Variants in ATXN1 observed in about 807,000 individuals in gnomAD.
ATXN1 encodes the protein ataxin 1.
A neutral mutation model predicts 56.4 loss-of-function variants in ATXN1; 8 were observed. The observed-to-expected ratio is 0.14, with a 90% CI of 0.08 to 0.26. The LOEUF (loss-of-function observed/expected upper bound fraction) is 0.26. ATXN1 is among the 10% of genes least tolerant of loss of function. The pLI is 1.00. For synonymous variants in ATXN1, 514 were observed against 494.6 expected (o/e 1.04, Z -0.52); for missense variants, 987 against 1,106.5 (o/e 0.89, Z 1.53).
intron 4 of ATXN1, among the ~76,000 whole-genome samples, chr6:16,556,985 T>C (rs1762026053): frequency 6.6e-6 from 1 of 151,910 alleles, no homozygotes; most frequent in African/African-American, 2.4e-5. Context: ...ACAACAAAAA[T>C]ATAAAATGCC....
chr6:16,741,918 G>GA (rs902932534), intron 2 of ATXN1, among the ~76,000 whole-genome samples: 8 of 152,010 alleles, frequency 5.3e-5, no homozygotes, highest in South Asian at 2.1e-4. Context: ...TGTTGAGATG[G>GA]AAAAAAAATA....
At chr6:16,409,851 A>G (rs1368796681) in intron 6 of ATXN1, among the ~76,000 whole-genome samples, 1 of 152,156 alleles carries the variant, frequency 6.6e-6, no homozygotes, top group Non-Finnish European at 1.5e-5. Flanking sequence ...GAAGTTCCAC[A>G]AAACTGTGCT....
chr6:16,597,267 A>G (rs1762832308), intron 3 of ATXN1, among the ~76,000 whole-genome samples: 1 of 152,246 alleles, frequency 6.6e-6, no homozygotes, highest in Non-Finnish European at 1.5e-5. Flanking sequence ...GGTATAAGAC[A>G]TAGGTACATG....
chr6:16,745,496 C>G (rs916181323), intron 2 of ATXN1, among the ~76,000 whole-genome samples: 7 of 152,098 alleles, frequency 4.6e-5, no homozygotes, highest in African/African-American at 1.4e-4. Context: ...GTTACATCAT[C>G]AAGAACTAAA....
intron 5 of ATXN1, among the ~76,000 whole-genome samples, chr6:16,493,153 C>T (rs1303424956): frequency 6.6e-6 from 1 of 152,194 alleles, no homozygotes; most frequent in African/African-American, 2.4e-5. Flanking sequence ...AACACAACTT[C>T]CCCGTGCCAT....
chr6:16,319,400 A>T (rs1208938582), intron 7 of ATXN1, among the ~76,000 whole-genome samples: 1 of 152,170 alleles, frequency 6.6e-6, no homozygotes, highest in East Asian at 1.9e-4. Flanking sequence ...AGGCAAAACT[A>T]TGGAGAGAGT....
intron 3 of ATXN1, among the ~76,000 whole-genome samples, chr6:16,603,623 T>C (rs1299250034): frequency 1.3e-5 from 2 of 151,852 alleles, no homozygotes; most frequent in Non-Finnish European, 2.9e-5. Flanking sequence ...GAGGTCTGAG[T>C]TGAATTTCAA....
rs56105499 is a variant in ATXN1 at position 16,440,649 on chromosome 6, A to AAAAAAAAAAAAGAAAG, written c.-161+45322_-161+45323insCTTTCTTTTTTTTTTT. Reference sequence around the variant, plus strand: ...GAGTGAGACCCTGTCTTAAAAAAAAAAAAGAAAAGAAAAGAAAAAATTAAA... The same window carrying AAAAAAAAAAAAGAAAG: ...GAGTGAGACCCTGTCTTAAAAAAAAAAAAAAAAAAAAGAAAGAAAGAAAAGAAAAGAAAAAATTAAA... On this transcript the variant is annotated intron_variant, in intron 6 of 7. Transcript: ENST00000436367. 3.8e-4 allele frequency among the ~76,000 whole-genome samples: 43 copies of AAAAAAAAAAAAGAAAG among 113,692 alleles called. 1 individual carries two copies. Among genetic ancestry groups the AAAAAAAAAAAAGAAAG allele is most frequent in the African/African-American group, 1.3e-3 (36 of 27,248 alleles). The allele number at this position is 113,692 out of a possible 152,430, so 74.6% of individuals were successfully genotyped here. A position where few individuals can be genotyped will look rare whatever the true frequency, so the allele number is the denominator to read the frequency against.
intron 6 of ATXN1, among the ~76,000 whole-genome samples, chr6:16,372,841 G>C (rs145163874): frequency 1.3e-5 from 2 of 152,112 alleles, no homozygotes; most frequent in Non-Finnish European, 2.9e-5. Flanking sequence ...ACTTGAGCCT[G>C]GGAGACAGAG....
chr6:16,642,086 A>G (rs972844479), intron 3 of ATXN1, among the ~76,000 whole-genome samples: 14 of 152,132 alleles, frequency 9.2e-5, no homozygotes, highest in African/African-American at 3.1e-4. Context: ...TCTATGGAGG[A>G]GCAAAGAAAG....
chr6:16,494,048 C>T (rs933687659), intron 5 of ATXN1, among the ~76,000 whole-genome samples: 4 of 151,922 alleles, frequency 2.6e-5, no homozygotes, highest in African/African-American at 7.3e-5. Flanking sequence ...AAGTGGCAGG[C>T]AAACTGGGCC....
chr6:16,702,775 A>G (rs1236178916), intron 2 of ATXN1, among the ~76,000 whole-genome samples: 2 of 152,220 alleles, frequency 1.3e-5, no homozygotes, highest in Non-Finnish European at 2.9e-5. Context: ...TCAAAACCAC[A>G]ATGACATACC....
At chr6:16,698,649 TTA>T (rs1491535535) in intron 2 of ATXN1, among the ~76,000 whole-genome samples, 25 of 45,574 alleles carry the variant, frequency 5.5e-4, no homozygotes, top group African/African-American at 3.2e-3. Flanking sequence ...ACCTCAAAAA[TTA>T]AAAAAAAAAA....
chr6:16,656,431 A>G (rs925465968), intron 3 of ATXN1, among the ~76,000 whole-genome samples: 1 of 152,220 alleles, frequency 6.6e-6, no homozygotes, highest in Non-Finnish European at 1.5e-5. Flanking sequence ...TGACCAAGAT[A>G]GGTGGGGCAG....
At chr6:16,462,051 A>G (rs1042456020) in intron 6 of ATXN1, among the ~76,000 whole-genome samples, 1 of 152,210 alleles carries the variant, frequency 6.6e-6, no homozygotes, top group African/African-American at 2.4e-5. Flanking sequence ...TTGGCAAAAT[A>G]CCAACAAAAC....
intron 3 of ATXN1, among the ~76,000 whole-genome samples, chr6:16,596,682 C>T (rs1011340302): frequency 1.3e-5 from 2 of 152,184 alleles, no homozygotes; most frequent in African/African-American, 4.8e-5. Flanking sequence ...TCAAATTCCT[C>T]TGGGAAATGA....
At chr6:16,683,318 G>T (rs1391639950) in intron 2 of ATXN1, among the ~76,000 whole-genome samples, 1 of 152,200 alleles carries the variant, frequency 6.6e-6, no homozygotes, top group Non-Finnish European at 1.5e-5. Context: ...TTTCTAAATT[G>T]ACAGCCCTGA....
chr6:16,750,968 CTTTT>C (rs35690453), intron 2 of ATXN1, among the ~76,000 whole-genome samples: 2 of 135,864 alleles, frequency 1.5e-5, no homozygotes, highest in African/African-American at 5.5e-5. Flanking sequence ...TCTTTCCTCT[CTTTT>C]TTTTTTTTTT....
chr6:16,718,440 C>T (rs969075789), intron 2 of ATXN1, among the ~76,000 whole-genome samples: 3 of 152,226 alleles, frequency 2.0e-5, no homozygotes, highest in Admixed American at 1.3e-4. Context: ...TTAACTGTGA[C>T]ATAATTCATT....
Sources: gnomAD v4.1 joint callset for allele counts (sites outside exome capture counted in the v4.1 genomes callset) on GRCh38, gnomAD v4.1.1 for gene constraint, MANE v1.5 for transcripts, NCBI Gene and HGNC (gene_info 2026-07-23, HGNC 2026-07-21) for gene names.